Variants in KCTD8 observed in about 807,000 individuals in gnomAD.
KCTD8 encodes the protein BTB/POZ domain-containing protein KCTD8.
In KCTD8, 27 loss-of-function variants were observed where a neutral mutation model predicts 31.5. The observed-to-expected ratio is 0.86, with a 90% confidence interval of 0.63 to 1.18. The LOEUF (loss-of-function observed/expected upper bound fraction) is 1.18, where lower values mean the gene tolerates loss of function less well. Among genes scored for constraint, KCTD8 ranks in the 50% most tolerant of loss-of-function variants. The pLI, the probability that KCTD8 is intolerant of heterozygous loss-of-function variation, is 0.00. For missense variants in KCTD8, 658 were observed against 647.7 expected (o/e 1.02, Z -0.17); for synonymous variants, 290 against 280.0 (o/e 1.04, Z -0.36).
chr4:44,445,130 T>C lies in KCTD8; in HGVS notation c.961+2433A>G, dbSNP rs143105038. 3.2e-3 allele frequency among the ~76,000 whole-genome samples: 487 copies of C among 152,252 alleles called. 4 individuals carry two copies. Among genetic ancestry groups the C allele is most frequent in the African/African-American group, 0.011 (470 of 41,562 alleles). ...TGGTCATCAACTAAACTGAATACGA[T>C]GGAAATACATTTTACAGTGTGTTTT... On this transcript the variant is annotated intron_variant, in intron 1 of 1. Transcript: ENST00000360029.
intron 1 of KCTD8, among the ~76,000 whole-genome samples, chr4:44,412,148 A>C: frequency 6.6e-6 from 1 of 152,172 alleles, no homozygotes; most frequent in Non-Finnish European, 1.5e-5. Flanking sequence ...CATGTGGCCA[A>C]CTGAGAAGAG....
intron 1 of KCTD8, among the ~76,000 whole-genome samples, chr4:44,242,394 C>T (rs868120092): frequency 6.6e-6 from 1 of 151,736 alleles, no homozygotes; most frequent in Non-Finnish European, 1.5e-5. Context: ...CTGGCTAACA[C>T]GGTGAAATCC....
intron 1 of KCTD8, among the ~76,000 whole-genome samples, chr4:44,284,717 A>G (rs1049321103): frequency 1.3e-5 from 2 of 152,218 alleles, no homozygotes; most frequent in Non-Finnish European, 2.9e-5. Flanking sequence ...TTTGCAATCT[A>G]TCCATCTGAC....
At chr4:44,208,544 T>C (rs1032850418) in intron 1 of KCTD8, among the ~76,000 whole-genome samples, 3 of 152,138 alleles carry the variant, frequency 2.0e-5, no homozygotes, top group African/African-American at 7.2e-5. Flanking sequence ...AATCACAAAA[T>C]AATACCAAAT....
chr4:44,216,848 G>A (rs1019569615), intron 1 of KCTD8, among the ~76,000 whole-genome samples: 9 of 152,056 alleles, frequency 5.9e-5, no homozygotes, highest in African/African-American at 1.9e-4. Context: ...TGAGACAGAC[G>A]GCATATTAAG....
intron 1 of KCTD8, among the ~76,000 whole-genome samples, chr4:44,279,486 A>C (rs1716841595): frequency 6.6e-6 from 1 of 152,122 alleles, no homozygotes; most frequent in Admixed American, 6.6e-5. Context: ...GCAGAGAGAA[A>C]GATGTGCTCT....
intron 1 of KCTD8, among the ~76,000 whole-genome samples, chr4:44,265,834 G>A (rs558605509): frequency 1.3e-5 from 2 of 152,094 alleles, no homozygotes; most frequent in African/African-American, 4.8e-5. Context: ...GAGAAGGGAA[G>A]TTTAGAGAAA....
At chr4:44,288,264 A>G (rs1717162829) in intron 1 of KCTD8, among the ~76,000 whole-genome samples, 2 of 152,156 alleles carry the variant, frequency 1.3e-5, no homozygotes, top group South Asian at 4.1e-4. Flanking sequence ...CAAGAATTGT[A>G]CACTCATCCA....
intron 1 of KCTD8, among the ~76,000 whole-genome samples, chr4:44,203,913 G>T (rs1327155166): frequency 6.6e-6 from 1 of 151,260 alleles, no homozygotes; most frequent in Admixed American, 6.6e-5. Flanking sequence ...ATAAATAAAA[G>T]AAATGAGAAA....
chr4:44,397,149 T>C (rs1720525396), intron 1 of KCTD8, among the ~76,000 whole-genome samples: 1 of 152,180 alleles, frequency 6.6e-6, no homozygotes, highest in Non-Finnish European at 1.5e-5. Flanking sequence ...GAATTGTGAT[T>C]GATTGTACCT....
chr4:44,398,772 G>C (rs923766229), intron 1 of KCTD8, among the ~76,000 whole-genome samples: 4 of 152,136 alleles, frequency 2.6e-5, no homozygotes, highest in African/African-American at 9.7e-5. Flanking sequence ...TGAAGAGCTA[G>C]GTACGGCATA....
intron 1 of KCTD8, among the ~76,000 whole-genome samples, chr4:44,317,875 A>T (rs1718183407): frequency 6.6e-6 from 1 of 152,186 alleles, no homozygotes; most frequent in Non-Finnish European, 1.5e-5. Flanking sequence ...GGTTTTAGGG[A>T]AGAATTCTCA....
chr4:44,229,188 T>A (rs1040757732), intron 1 of KCTD8, among the ~76,000 whole-genome samples: 1 of 152,084 alleles, frequency 6.6e-6, no homozygotes, highest in Non-Finnish European at 1.5e-5. Context: ...CAGGCATGAG[T>A]GAGGCAGGAG....
intron 1 of KCTD8, among the ~76,000 whole-genome samples, chr4:44,298,710 C>T (rs956687616): frequency 6.6e-6 from 1 of 152,160 alleles, no homozygotes. Context: ...GCTTAGAGTT[C>T]ACACCCACTG....
chr4:44,447,461 G>A (rs1286283270), intron 1 of KCTD8, 102 bp downstream of exon 1: 2 of 1,424,338 alleles, frequency 1.4e-6, no homozygotes, highest in East Asian at 2.6e-5. Context: ...GTTAACCAGC[G>A]CCTGCCCCGG....
chr4:44,338,516 CT>C (rs1468944754), intron 1 of KCTD8, among the ~76,000 whole-genome samples: 1 of 152,160 alleles, frequency 6.6e-6, no homozygotes, highest in Non-Finnish European at 1.5e-5. Context: ...GTGTATTTGC[CT>C]TCTGTAGGAA....
chr4:44,415,862 G>A (rs1721067932), intron 1 of KCTD8, among the ~76,000 whole-genome samples: 1 of 152,224 alleles, frequency 6.6e-6, no homozygotes, highest in South Asian at 2.1e-4. Context: ...CAATGTCAAG[G>A]GAAAATGTGG....
chr4:44,189,032 T>G (rs753428505), intron 1 of KCTD8, among the ~76,000 whole-genome samples: 1 of 152,336 alleles, frequency 6.6e-6, no homozygotes, highest in Non-Finnish European at 1.5e-5. Context: ...TTGAGTTATG[T>G]CATCTTATAT....
intron 1 of KCTD8, among the ~76,000 whole-genome samples, chr4:44,221,527 A>C (rs1414621889): frequency 6.6e-6 from 1 of 152,198 alleles, no homozygotes; most frequent in Non-Finnish European, 1.5e-5. Flanking sequence ...CTGCAAGCTG[A>C]GAAACAAGGA....
Sources: allele counts gnomAD v4.1 joint callset (sites outside exome capture counted in the v4.1 genomes callset), GRCh38; gene constraint gnomAD v4.1.1; transcripts MANE v1.5; gene names NCBI Gene and HGNC (gene_info 2026-07-23, HGNC 2026-07-21).